VASH1: variants seen among roughly 807,000 people sequenced by gnomAD.
VASH1 encodes the protein tubulinyl-Tyr carboxypeptidase 1.
A neutral mutation model predicts 35.0 loss-of-function variants in VASH1; 16 were observed. The ratio of observed to expected loss-of-function variants is 0.46; its 90% confidence interval spans 0.31 to 0.70. The LOEUF is 0.70. VASH1 is among the 30% of genes least tolerant of loss of function. VASH1 has a pLI of 0.05. For synonymous variants in VASH1, 214 were observed against 200.9 expected, an observed-to-expected ratio of 1.07 and a Z score of -0.55; for missense variants, 505 against 510.7, an observed-to-expected ratio of 0.99 and a Z score of 0.11.
intron 4 of VASH1, chr14:76,773,568 A>C: frequency 2.6e-6 from 1 of 380,334 alleles, no homozygotes; most frequent in Non-Finnish European, 4.7e-6. Context: ...GCACAGTTGG[A>C]ATGCCCAGAT....
At chr14:76,774,828 C>T (rs1458356160) in intron 4 of VASH1, 1 of 152,346 alleles carries the variant, frequency 6.6e-6, no homozygotes, top group East Asian at 1.9e-4. Context: ...TCAGGTTGAC[C>T]TGGACTTGAA....
At position 76,779,746 on chromosome 14, in the gene VASH1, C is replaced by T; in HGVS notation, c.*728C>T. 1.7e-6 allele frequency: 1 copy of T among 578,242 alleles called. No individual in the cohort carries two copies. The highest frequency in any genetic ancestry group is 2.2e-5 in the South Asian group (1 of 45,318). 35.8% of individuals were successfully genotyped at this position (578,242 alleles called of 1,614,324 possible). A position where few individuals can be genotyped will look rare whatever the true frequency, so the allele number is the denominator to read the frequency against. Reference sequence around the variant, plus strand: ...AGTTCCCAGGCCCTAACTGCGTCTACTTGCTCAGTCCCAGCTCTGCCTGTT... The same window carrying T: ...AGTTCCCAGGCCCTAACTGCGTCTATTTGCTCAGTCCCAGCTCTGCCTGTT... On this transcript the variant is annotated 3_prime_UTR_variant, in exon 7 of 7. Transcript: ENST00000167106.
intron 1 of VASH1, chr14:76,769,365 G>T: frequency 7.8e-7 from 1 of 1,289,186 alleles, no homozygotes; most frequent in Non-Finnish European, 1.0e-6. Flanking sequence ...CAGAGCTACA[G>T]CAAGACCTGT....
Position 76,762,751 on chromosome 14 carries a change from G to T in VASH1, c.-71G>T. On this transcript the variant is annotated 5_prime_UTR_variant, in exon 1 of 7. Coordinates refer to ENST00000167106, the MANE Select transcript of VASH1 (RefSeq NM_014909.5). ...ACTCTGGCCATGTGTTATCTCTGCA[G>T]CCGGTGTGTGGGAGGCCTCTTGTGA... 7.3e-7 allele frequency: 1 copy of T among 1,364,900 alleles called. No homozygotes were observed. The highest frequency in any genetic ancestry group is 9.6e-7 in the Non-Finnish European group (1 of 1,036,478). 84.5% of individuals were successfully genotyped at this position (1,364,900 alleles called of 1,614,324 possible).
intron 1 of VASH1, 44 bp downstream of exon 1, chr14:76,763,174 T>C: frequency 7.2e-7 from 1 of 1,379,726 alleles, no homozygotes; most frequent in South Asian, 1.9e-5. Flanking sequence ...GTCTAGGTTT[T>C]AGTGACCTTG....
chr14:76,767,497 G>C (rs560640366), intron 1 of VASH1, among the ~76,000 whole-genome samples: 1 of 152,130 alleles, frequency 6.6e-6, no homozygotes, highest in Non-Finnish European at 1.5e-5. Context: ...TCCTGGAGCC[G>C]GGGGAATCCT....
At chr14:76,771,088 T>C in intron 2 of VASH1, 102 bp from the exon 3 acceptor site, 1 of 1,045,612 alleles carries the variant, frequency 9.6e-7, no homozygotes, top group Non-Finnish European at 1.3e-6. Context: ...TGTGCCCCCA[T>C]CTCCCCTCCA....
rs1220332499 is a variant in VASH1 at position 76,779,712 on chromosome 14, T to C, written c.*694T>C. 6 of 587,512 alleles carry C rather than the reference T, an allele frequency of 1.0e-5. No individual in the cohort carries two copies. Among genetic ancestry groups the C allele is most frequent in the Non-Finnish European group, 1.5e-5 (5 of 331,902 alleles). 36.4% of individuals were successfully genotyped at this position (587,512 alleles called of 1,614,324 possible). On this transcript the variant is annotated 3_prime_UTR_variant, in exon 7 of 7. Transcript: ENST00000167106. ...GAGAGCGAGCCCAGGGAAGGACCTC[T>C]GGGCAAAAAGTTCCCAGGCCCTAAC...
intron 1 of VASH1, chr14:76,769,437 C>G (rs769133871): frequency 9.3e-6 from 12 of 1,289,104 alleles, no homozygotes; most frequent in Non-Finnish European, 1.2e-5. Context: ...CAAGTTGGTG[C>G]TCTGGAAGGC....
chr14:76,772,172 G>A (rs982635571), intron 3 of VASH1, among the ~76,000 whole-genome samples: 4 of 152,074 alleles, frequency 2.6e-5, no homozygotes, highest in Non-Finnish European at 5.9e-5. Flanking sequence ...CCTGAGAGGC[G>A]GTGGTTACAG....
chr14:76,776,369 G>A (rs1893944932), intron 5 of VASH1, 96 bp downstream of exon 5: 2 of 1,417,178 alleles, frequency 1.4e-6, no homozygotes, highest in Non-Finnish European at 1.9e-6. Context: ...GAGCTTCTCA[G>A]GGGACTGGGG....
At position 76,779,830 on chromosome 14, in the gene VASH1, A is replaced by C. The variant is rs1413892634; in HGVS notation, c.*812A>C. ...GGCTTGGCGGAGGACCCAGAATGGC[A>C]CTGAGGCCAGCATGGCTGTGGGAGT... On this transcript the variant is annotated 3_prime_UTR_variant, in exon 7 of 7. Coordinates refer to ENST00000167106, the MANE Select transcript of VASH1 (RefSeq NM_014909.5). 2.4e-6 allele frequency: 1 copy of C among 416,796 alleles called. No individual in the cohort carries two copies. Among genetic ancestry groups the C allele is most frequent in the African/African-American group, 2.0e-5 (1 of 49,254 alleles). 25.8% of individuals were successfully genotyped at this position (416,796 alleles called of 1,614,324 possible).
At chr14:76,777,259 C>T (rs774391141) in intron 5 of VASH1, among the ~76,000 whole-genome samples, 1 of 152,256 alleles carries the variant, frequency 6.6e-6, no homozygotes, top group Non-Finnish European at 1.5e-5. Flanking sequence ...AGGGGCTGCT[C>T]TCTTCTGCCC....
In VASH1 at chr14:76,776,054, C is replaced by T. The variant is rs1473964766; in HGVS notation, c.693C>T (p.Pro231=). ...SRREDLMYKP[P]AFRTLSELVL... The stretch of plus-strand genomic sequence containing the variant: ...GCGAGGACCTGATGTACAAGCCGCC[C>T]GCCTTCCGCACGCTCAGCGAGCTCG... Residue 231 remains proline (P), a synonymous_variant, in exon 5 of 7, where the codon CCC becomes CCT. Coordinates refer to ENST00000167106, the MANE Select transcript of VASH1 (RefSeq NM_014909.5). 6.2e-7 allele frequency: 1 copy of T among 1,610,442 alleles called. No individual in the cohort carries two copies. Among genetic ancestry groups the T allele is most frequent in the African/African-American group, 1.3e-5 (1 of 75,066 alleles).
At chr14:76,767,503 A>G (rs1395483952) in intron 1 of VASH1, among the ~76,000 whole-genome samples, 2 of 152,096 alleles carry the variant, frequency 1.3e-5, no homozygotes, top group East Asian at 3.9e-4. Context: ...AGCCGGGGGA[A>G]TCCTTGGCCT....
intron 1 of VASH1, chr14:76,769,229 C>T (rs1227988437): frequency 1.6e-6 from 2 of 1,238,248 alleles, no homozygotes; most frequent in Non-Finnish European, 2.1e-6. Context: ...GGGCTGGGTG[C>T]TGGAAAGTGC....
intron 1 of VASH1, among the ~76,000 whole-genome samples, chr14:76,768,550 C>T (rs1482810674): frequency 3.3e-5 from 5 of 152,124 alleles, no homozygotes; most frequent in African/African-American, 7.2e-5. Context: ...GACACTGTCC[C>T]GTGTGCCTGT....
Position 76,779,468 on chromosome 14 carries a change from TGGA to T in VASH1, c.*452_*454del, listed in dbSNP as rs1894042558. On this transcript the variant is annotated 3_prime_UTR_variant, in exon 7 of 7. Transcript: ENST00000167106. ...CCTGTGATGGGGGGTGGGGGTGGGG[TGGA>T]GATGTTTCTCCAGTTCTGCCTGCCC... The T allele has an allele frequency of 9.4e-6, 6 of 637,176 alleles. No individual in the cohort carries two copies. The highest frequency in any genetic ancestry group is 2.1e-5 in the Admixed American group (1 of 47,826). 39.5% of individuals were successfully genotyped at this position (637,176 alleles called of 1,614,324 possible).
rs74421450 is a variant in VASH1 at position 76,776,147 on chromosome 14, C to T, written c.786C>T (p.Ser262=). The T allele has an allele frequency of 0.019, 30,467 of 1,610,312 alleles. 367 individuals are homozygous for T. Among genetic ancestry groups the T allele is most frequent in the Non-Finnish European group, 0.021 (25,064 of 1,179,740 alleles). ...TCAAGAAGGTGAAGCTGGGCCAGAG[C>T]GTGTCACACGACCCGCACAGCGTGG... is the stretch of plus-strand genomic sequence containing the variant. ...HVLKKVKLGQ[S]VSHDPHSVEQ... The change falls in exon 5 of 7, where the codon AGC becomes AGT. Residue 262 remains serine (S), a synonymous_variant. Transcript: ENST00000167106.
Sources: allele counts gnomAD v4.1 joint callset (sites outside exome capture counted in the v4.1 genomes callset), GRCh38; gene constraint gnomAD v4.1.1; transcripts MANE v1.5; gene names NCBI Gene and HGNC (gene_info 2026-07-23, HGNC 2026-07-21).